Variants in CERKL observed in about 807,000 individuals in gnomAD.
CERKL encodes CERK like autophagy regulator.
CERKL carries 61 observed loss-of-function variants against 63.4 expected under a neutral mutation model. That is an observed-to-expected ratio of 0.96 (90% CI 0.78 to 1.19). The LOEUF (loss-of-function observed/expected upper bound fraction) is 1.19. CERKL is among the 50% of genes most tolerant of loss of function. The pLI is 0.00. For synonymous variants in CERKL, 250 were observed against 230.5 expected (o/e 1.08, Z -0.77); for missense variants, 675 against 655.5 (o/e 1.03, Z -0.33).
chr2:181,590,517 T>C (rs926450915), intron 2 of CERKL, among the ~76,000 whole-genome samples: 35 of 151,818 alleles, frequency 2.3e-4, no homozygotes, highest in Non-Finnish European at 1.9e-4. Flanking sequence ...GGGAGAAAAA[T>C]ATTTGTAACA....
chr2:181,540,659 C>T (rs1248751445), intron 11 of CERKL, among the ~76,000 whole-genome samples: 1 of 152,172 alleles, frequency 6.6e-6, no homozygotes, highest in African/African-American at 2.4e-5. Flanking sequence ...GTCATGTGCA[C>T]TCCTCACAAA....
intron 1 of CERKL, among the ~76,000 whole-genome samples, chr2:181,630,063 C>T (rs1686887322): frequency 1.3e-5 from 2 of 151,438 alleles, no homozygotes; most frequent in African/African-American, 4.9e-5. Context: ...CAAGTTCTCA[C>T]TCTGTAACCC....
At chr2:181,618,632 G>A (rs927040194) in intron 1 of CERKL, among the ~76,000 whole-genome samples, 1 of 151,898 alleles carries the variant, frequency 6.6e-6, no homozygotes, top group African/African-American at 2.4e-5. Context: ...GGCTGGTCTC[G>A]AACTCCTGAC....
intron 2 of CERKL, among the ~76,000 whole-genome samples, chr2:181,578,652 T>C (rs1436789425): frequency 6.6e-6 from 1 of 151,940 alleles, no homozygotes; most frequent in African/African-American, 2.4e-5. Context: ...CTACAGCTTT[T>C]CACATAGACA....
At chr2:181,570,687 G>A (rs1338730391) in intron 3 of CERKL, among the ~76,000 whole-genome samples, 2 of 152,066 alleles carry the variant, frequency 1.3e-5, no homozygotes, top group Non-Finnish European at 2.9e-5. Flanking sequence ...AAGTAGTTAG[G>A]ATTTCAGCAC....
chr2:181,566,169 T>G (rs758985892), intron 3 of CERKL, 48 bp from the exon 4 acceptor site: 2 of 1,428,084 alleles, frequency 1.4e-6, no homozygotes, highest in East Asian at 2.3e-5. Flanking sequence ...TTTTAAACAA[T>G]GATCACACTT....
intron 2 of CERKL, among the ~76,000 whole-genome samples, chr2:181,576,054 C>T (rs967453108): frequency 6.6e-6 from 1 of 152,192 alleles, no homozygotes; most frequent in East Asian, 1.9e-4. Flanking sequence ...TGAGAAAATA[C>T]AATATTGAAT....
chr2:181,639,118 G>A (rs1687311171), intron 1 of CERKL, among the ~76,000 whole-genome samples: 1 of 152,074 alleles, frequency 6.6e-6, no homozygotes, highest in Non-Finnish European at 1.5e-5. Flanking sequence ...GACACTAACT[G>A]GATATGTAAA....
chr2:181,638,755 T>C (rs1241900306), intron 1 of CERKL, among the ~76,000 whole-genome samples: 3 of 152,184 alleles, frequency 2.0e-5, no homozygotes, highest in Non-Finnish European at 4.4e-5. Context: ...CAGCTGAAGT[T>C]TGGCCACTTT....
Position 181,656,789 on chromosome 2 carries a change from A to G in CERKL, c.218T>C (p.Ile73Thr), listed in dbSNP as rs1395295424. 15 of 1,597,276 alleles carry G rather than the reference A, an allele frequency of 9.4e-6. No individual in the cohort carries two copies. Among genetic ancestry groups the G allele is most frequent in the African/African-American group, 1.4e-5 (1 of 73,822 alleles). ...LSERALRWRPIQPERPAGDSK... is the reference protein window; with the variant it reads ...LSERALRWRPTQPERPAGDSK... ...CTCACCCGCCGGGCGCTCGGGCTGA[A>G]TGGGCCGCCACCGCAGTGCTCGCTC... Residue 73 changes from isoleucine (I) to threonine (T), a missense_variant, in exon 1 of 13, where the codon ATT becomes ACT. By Grantham distance (89) the Ile-to-Thr change is moderately conservative. Coordinates refer to ENST00000410087, the MANE Select transcript of CERKL (RefSeq NM_201548.5).
chr2:181,616,478 T>C (rs9789378), intron 1 of CERKL, among the ~76,000 whole-genome samples: 56,183 of 151,996 alleles, frequency 0.37, 13,710 homozygotes, highest in African/African-American at 0.69. Flanking sequence ...TCCCAAAGTG[T>C]TGGGATTACA....
intron 1 of CERKL, among the ~76,000 whole-genome samples, chr2:181,641,755 A>C (rs1279718767): frequency 6.6e-6 from 1 of 152,178 alleles, no homozygotes; most frequent in Non-Finnish European, 1.5e-5. Flanking sequence ...AATTCAAATT[A>C]ATAAAAATTA....
intron 12 of CERKL, 134 bp from the exon 13 acceptor site, chr2:181,538,378 G>C (rs1687306629): frequency 6.5e-6 from 4 of 618,098 alleles, no homozygotes; most frequent in Non-Finnish European, 8.8e-6. Flanking sequence ...CTGTAATCTA[G>C]AAAACTGAGA....
chr2:181,614,958 T>A (rs1001354717), intron 1 of CERKL, among the ~76,000 whole-genome samples: 3 of 152,250 alleles, frequency 2.0e-5, no homozygotes, highest in African/African-American at 7.2e-5. Context: ...TCCTTATGAA[T>A]GACATATAAT....
At chr2:181,599,658 T>A (rs914447179) in intron 2 of CERKL, among the ~76,000 whole-genome samples, 3 of 151,614 alleles carry the variant, frequency 2.0e-5, no homozygotes, top group Non-Finnish European at 4.4e-5. Flanking sequence ...TAGACAAACA[T>A]AAAGAATCTG....
At position 181,537,170 on chromosome 2, in the gene CERKL, G is replaced by GAACATCTAGGATCATAGATGAAA; in HGVS notation, c.*991_*1013dup. On this transcript the variant is annotated 3_prime_UTR_variant, in exon 13 of 13. Coordinates refer to ENST00000410087, the MANE Select transcript of CERKL (RefSeq NM_201548.5). ...AAAAAGGCTAGTCATTCTTTCAGGA[G>GAACATCTAGGATCATAGATGAAA]AACATCTAGGATCATAGATGAAAAA... 2.2e-6 allele frequency: 1 copy of GAACATCTAGGATCATAGATGAAA among 453,858 alleles called. No individual in the cohort carries two copies. The highest frequency in any genetic ancestry group is 4.4e-6 in the Non-Finnish European group (1 of 226,656). 28.1% of individuals were successfully genotyped at this position (453,858 alleles called of 1,614,324 possible).
intron 1 of CERKL, among the ~76,000 whole-genome samples, chr2:181,655,370 C>T (rs1324141342): frequency 6.6e-6 from 1 of 152,214 alleles, no homozygotes; most frequent in East Asian, 1.9e-4. Context: ...TTCAGCTGCA[C>T]TGTAGGTTAA....
At chr2:181,611,647 T>C (rs1315120094) in intron 1 of CERKL, among the ~76,000 whole-genome samples, 1 of 152,204 alleles carries the variant, frequency 6.6e-6, no homozygotes, top group Non-Finnish European at 1.5e-5. Context: ...ATCACACTAC[T>C]GCACTCAAGC....
intron 4 of CERKL, among the ~76,000 whole-genome samples, chr2:181,559,217 C>T (rs1688332794): frequency 6.6e-6 from 1 of 152,070 alleles, no homozygotes; most frequent in African/African-American, 2.4e-5. Context: ...ACAAACCTGA[C>T]CTGAATTTCA....
Sources: allele counts gnomAD v4.1 joint callset (sites outside exome capture counted in the v4.1 genomes callset), GRCh38; gene constraint gnomAD v4.1.1; transcripts MANE v1.5; gene names NCBI Gene and HGNC (gene_info 2026-07-23, HGNC 2026-07-21).